NRXN3: variants seen among roughly 807,000 people sequenced by gnomAD.
NRXN3 encodes neurexin 3.
NRXN3 carries 32 observed loss-of-function variants against 137.6 expected under a neutral mutation model. That is an observed-to-expected ratio of 0.23 (90% CI 0.18 to 0.31). NRXN3 has a LOEUF of 0.31. Ranked by LOEUF, NRXN3 falls within the 10% of genes least tolerant of loss-of-function variation. NRXN3 has a pLI of 1.00. For missense variants in NRXN3, 1,574 were observed against 2,062.5 expected (o/e 0.76, Z 4.59); for synonymous variants, 798 against 784.5 (o/e 1.02, Z -0.29).
intron 10 of NRXN3, among the ~76,000 whole-genome samples, chr14:78,948,483 A>G (rs528476811): frequency 6.6e-6 from 1 of 152,328 alleles, no homozygotes; most frequent in South Asian, 2.1e-4. Context: ...TGAGCTCACA[A>G]TAACTGTCAC....
rs76616519 is a variant in NRXN3, at chr14:79,086,778, C to T, written c.3262+98637C>T. 4.7e-3 allele frequency among the ~76,000 whole-genome samples: 722 copies of T among 152,168 alleles called. 5 individuals are homozygous for T. Among genetic ancestry groups the T allele is most frequent in the African/African-American group, 0.016 (671 of 41,520 alleles). The stretch of plus-strand genomic sequence containing the variant: ...TTAAAATGAAACAAGTTTGGACTTC[C>T]GTATGAAAAGTCTTATACTTGATCT... On this transcript the variant is annotated intron_variant, in intron 15 of 20. Transcript: ENST00000335750.
At chr14:78,884,048 A>G (rs944932740) in intron 10 of NRXN3, among the ~76,000 whole-genome samples, 3 of 152,184 alleles carry the variant, frequency 2.0e-5, no homozygotes, top group Non-Finnish European at 4.4e-5. Flanking sequence ...ATGCTAATGT[A>G]TCCCTTAAAA....
rs1226101843 is a variant in NRXN3 at position 78,967,297 on chromosome 14, A to G, written c.2867A>G (p.Asn956Ser). The G allele has an allele frequency of 1.9e-6, 3 of 1,613,970 alleles. No homozygotes were observed. The highest frequency in any genetic ancestry group is 4.5e-5 in the East Asian group (2 of 44,868). Residue 956 changes from asparagine (N) to serine (S), a missense_variant, in exon 13 of 21, where the codon AAT becomes AGT. Physicochemically the swap from Asn to Ser is conservative, Grantham distance 46. This residue lies in a region of NRXN3 where 718 missense variants were observed against 887.6 expected (regional missense o/e 0.81). Coordinates refer to ENST00000335750, the MANE Select transcript of NRXN3 (RefSeq NM_001330195.2). ...CCCCTGAATGACAACCAGTGGCACA[A>G]TGTCGTCATCACTCGGGACAATAGT... ...DRPLNDNQWHNVVITRDNSNT... is the reference protein window; with the variant it reads ...DRPLNDNQWHSVVITRDNSNT...
intron 4 of NRXN3, among the ~76,000 whole-genome samples, chr14:78,376,019 CAT>C (rs71131645): frequency 0.082 from 11,920 of 144,588 alleles, 509 homozygotes; most frequent in Admixed American, 0.1. Context: ...CACACACACA[CAT>C]ACACACACAC....
At chr14:78,659,299 C>T (rs573758134) in intron 6 of NRXN3, among the ~76,000 whole-genome samples, 68 of 152,152 alleles carry the variant, frequency 4.5e-4, no homozygotes, top group African/African-American at 1.3e-3. Context: ...AAATAAGTTT[C>T]GGTAAAGTCA....
intron 10 of NRXN3, among the ~76,000 whole-genome samples, chr14:78,833,866 T>C (rs774104060): frequency 9.2e-5 from 14 of 152,202 alleles, no homozygotes; most frequent in Non-Finnish European, 2.1e-4. Context: ...AAAACATTCA[T>C]CTACTATTTA....
intron 1 of NRXN3, among the ~76,000 whole-genome samples, chr14:78,214,671 G>GAGGC (rs934076788): frequency 6.6e-6 from 1 of 152,200 alleles, no homozygotes; most frequent in Non-Finnish European, 1.5e-5. Context: ...AAGGCAGAGC[G>GAGGC]AGGCACACTA....
intron 4 of NRXN3, among the ~76,000 whole-genome samples, chr14:78,415,302 TGAA>T (rs2093068695): frequency 6.6e-6 from 1 of 152,208 alleles, no homozygotes; most frequent in African/African-American, 2.4e-5. Flanking sequence ...AATATATTCA[TGAA>T]GAAGTTTCAG....
At chr14:78,909,269 T>A (rs1050715551) in intron 10 of NRXN3, among the ~76,000 whole-genome samples, 2 of 152,124 alleles carry the variant, frequency 1.3e-5, no homozygotes, top group African/African-American at 4.8e-5. Flanking sequence ...ATCAAAGCAA[T>A]GGCTACCAAG....
intron 4 of NRXN3, among the ~76,000 whole-genome samples, chr14:78,347,961 A>T (rs2082969943): frequency 6.6e-6 from 1 of 152,158 alleles, no homozygotes; most frequent in Non-Finnish European, 1.5e-5. Context: ...CTAGGATGCT[A>T]TGTGGTTTCC....
intron 4 of NRXN3, among the ~76,000 whole-genome samples, chr14:78,395,051 T>C (rs2091288324): frequency 6.6e-6 from 1 of 151,850 alleles, no homozygotes. Flanking sequence ...TATTTCATTT[T>C]TACTTTCATT....
chr14:78,516,865 T>C (rs947034792), intron 4 of NRXN3, among the ~76,000 whole-genome samples: 3 of 152,184 alleles, frequency 2.0e-5, no homozygotes, highest in Non-Finnish European at 4.4e-5. Context: ...TAACATTATA[T>C]ACAATAAACT....
intron 19 of NRXN3, among the ~76,000 whole-genome samples, chr14:79,770,494 G>A (rs1401149501): frequency 7.6e-6 from 1 of 131,376 alleles, no homozygotes. Context: ...TCAACTACAT[G>A]GAAACTGAAC....
At chr14:78,324,832 T>C (rs1597345008) in intron 4 of NRXN3, among the ~76,000 whole-genome samples, 1 of 151,230 alleles carries the variant, frequency 6.6e-6, no homozygotes, top group African/African-American at 2.4e-5. Context: ...GAGATGGGAG[T>C]GAAGGTTGTG....
chr14:78,404,947 G>GTGTT (rs2092384069), intron 4 of NRXN3, among the ~76,000 whole-genome samples: 1 of 152,138 alleles, frequency 6.6e-6, no homozygotes, highest in South Asian at 2.1e-4. Flanking sequence ...TCTCTGTCTT[G>GTGTT]TGTTTCACTT....
intron 19 of NRXN3, among the ~76,000 whole-genome samples, chr14:79,724,352 C>G (rs2098866763): frequency 6.6e-6 from 1 of 152,130 alleles, no homozygotes; most frequent in Non-Finnish European, 1.5e-5. Flanking sequence ...TCACAACATA[C>G]TCTTTGTAAC....
intron 20 of NRXN3, among the ~76,000 whole-genome samples, chr14:79,827,942 C>A (rs544388340): frequency 6.6e-6 from 1 of 152,054 alleles, no homozygotes. Context: ...GTGATTTGCC[C>A]GCCTTGGTCA....
At chr14:79,485,648 AG>A (rs1485083256) in intron 16 of NRXN3, among the ~76,000 whole-genome samples, 1 of 152,008 alleles carries the variant, frequency 6.6e-6, no homozygotes, top group Non-Finnish European at 1.5e-5. Context: ...TTCCTAAACT[AG>A]GGAGGTCAGA....
intron 4 of NRXN3, among the ~76,000 whole-genome samples, chr14:78,393,723 G>A (rs2091075721): frequency 6.6e-6 from 1 of 151,938 alleles, no homozygotes; most frequent in Admixed American, 6.6e-5. Flanking sequence ...TCTTCACTAT[G>A]TTGGGGTTTC....
Sources: gnomAD v4.1 joint callset for allele counts (sites outside exome capture counted in the v4.1 genomes callset) on GRCh38, gnomAD v4.1.1 for gene constraint, gnomAD v4.1.1 regional missense constraint, MANE v1.5 for transcripts, NCBI Gene and HGNC (gene_info 2026-07-23, HGNC 2026-07-21) for gene names.